The following FRMD8 variants were observed in gnomAD, a reference collection of about 807,000 sequenced individuals.
FRMD8 encodes FERM domain containing 8.
A neutral mutation model predicts 54.2 loss-of-function variants in FRMD8; 37 were observed. The ratio of observed to expected loss-of-function variants is 0.68; its 90% confidence interval spans 0.53 to 0.90. FRMD8 has a LOEUF of 0.90. FRMD8 is among the 40% of genes least tolerant of loss of function. FRMD8 has a pLI of 0.00. For synonymous variants in FRMD8, 246 were observed against 286.9 expected, an observed-to-expected ratio of 0.86 and a Z score of 1.44; for missense variants, 585 against 653.7, an observed-to-expected ratio of 0.89 and a Z score of 1.15.
intron 10 of FRMD8, among the ~76,000 whole-genome samples, chr11:65,407,626 C>A (rs1022383359): frequency 1.3e-5 from 2 of 151,686 alleles, no homozygotes; most frequent in Non-Finnish European, 2.9e-5. Flanking sequence ...CGTGGTGGCT[C>A]ACGCCTGTAA....
At position 65,405,648 on chromosome 11, in the gene FRMD8, G is replaced by C. The variant is rs576154024; in HGVS notation, c.1276+580G>C. Among the ~76,000 whole-genome samples, 20 of 152,004 alleles carry C rather than the reference G, an allele frequency of 1.3e-4. No homozygotes were observed. The South Asian group carries it at 4.2e-3, about 32-fold the overall frequency. Reference sequence around the variant, plus strand: ...AAAAATAAATAAATAAATAAATAAAGCGTTGGGTAAATCACTGCTGTGACC... The same window carrying C: ...AAAAATAAATAAATAAATAAATAAACCGTTGGGTAAATCACTGCTGTGACC... On this transcript the variant is annotated intron_variant, in intron 10 of 10. Transcript: ENST00000317568.
rs576038127 is a variant in FRMD8 at position 65,411,064 on chromosome 11, G to A, written c.1277-178G>A. ...CCTTAGGTCGGCAGTGTTAGGGAGC[G>A]CTGCTTGGGGTATACTGTAGCATGC... On this transcript the variant is annotated intron_variant, in intron 10 of 10. Transcript: ENST00000317568. 7.3e-4 allele frequency among the ~76,000 whole-genome samples: 111 copies of A among 152,326 alleles called. 2 individuals carry two copies. The highest frequency in any genetic ancestry group is 2.3e-3 in the African/African-American group (97 of 41,578).
intron 10 of FRMD8, among the ~76,000 whole-genome samples, chr11:65,406,082 C>G (rs183926878): frequency 6.6e-6 from 1 of 151,838 alleles, no homozygotes; most frequent in Non-Finnish European, 1.5e-5. Flanking sequence ...GGCTGGAGTA[C>G]AGTGGCATGA....
At chr11:65,372,786 T>C in the FRMD8 span, among the ~76,000 whole-genome samples, 13 of 152,132 alleles carry the variant, frequency 8.5e-5, no homozygotes, top group Non-Finnish European at 1.9e-4. Context: ...CTTCCTGCAC[T>C]GTTTATAGGA....
chr11:65,379,256 T>G, the FRMD8 span: 2 of 1,199,326 alleles, frequency 1.7e-6, no homozygotes, highest in Non-Finnish European at 2.4e-6. Flanking sequence ...ACAGGCCTCT[T>G]GTTCCCCTCC....
At chr11:65,409,535 G>T (rs1856283030) in intron 10 of FRMD8, among the ~76,000 whole-genome samples, 1 of 152,044 alleles carries the variant, frequency 6.6e-6, no homozygotes, top group Admixed American at 6.6e-5. Flanking sequence ...ACTTTGGGAG[G>T]CCGAGGCAGG....
intron 2 of FRMD8, 34 bp downstream of exon 2, chr11:65,387,155 T>C: frequency 6.5e-7 from 1 of 1,543,938 alleles, no homozygotes; most frequent in Non-Finnish European, 8.9e-7. Context: ...TTCCACACCC[T>C]CCTGGGACCC....
intron 1 of FRMD8, 81 bp from the exon 2 acceptor site, chr11:65,386,956 C>A: frequency 8.0e-7 from 1 of 1,244,744 alleles, no homozygotes; most frequent in Non-Finnish European, 1.1e-6. Context: ...GATCCCTTAC[C>A]GTACTCACCG....
At chr11:65,379,847 C>A in the FRMD8 span, 1 of 1,614,074 alleles carries the variant, frequency 6.2e-7, no homozygotes. Context: ...GGAAGGACCC[C>A]AAAGGAGTGG....
upstream of FRMD8, chr11:65,382,008 C>G: frequency 6.9e-7 from 1 of 1,440,666 alleles, no homozygotes; most frequent in Non-Finnish European, 9.8e-7. This position sits in a 1 kb window ranked among gnomAD's most constrained non-coding sequence, Gnocchi z 4.4. Context: ...TGAATTCCCC[C>G]CTCTCCCTCC....
chr11:65,401,364 C>T (rs1376282961), intron 9 of FRMD8, among the ~76,000 whole-genome samples: 1 of 118,712 alleles, frequency 8.4e-6, no homozygotes, highest in African/African-American at 3.2e-5. Context: ...CCCCTGCCTC[C>T]CTCCCCTGCT....
At chr11:65,393,768 G>A (rs1044847939) in intron 4 of FRMD8, 94 bp downstream of exon 4, 28 of 1,109,836 alleles carry the variant, frequency 2.5e-5, no homozygotes, top group Admixed American at 6.1e-5. Flanking sequence ...GCAAGGAGCT[G>A]CCCTGGCTGA....
the FRMD8 span, chr11:65,380,519 C>A: frequency 7.2e-7 from 1 of 1,386,708 alleles, no homozygotes; most frequent in Admixed American, 2.2e-5. Flanking sequence ...CTGGGAGAAT[C>A]ACCCAGGTTC....
At chr11:65,391,030 C>T (rs546686226) in intron 3 of FRMD8, among the ~76,000 whole-genome samples, 1 of 152,276 alleles carries the variant, frequency 6.6e-6, no homozygotes, top group African/African-American at 2.4e-5. Context: ...TTTCCCCCGG[C>T]CCCTGCACCC....
chr11:65,380,034 G>T, the FRMD8 span: 2 of 1,582,486 alleles, frequency 1.3e-6, no homozygotes, highest in Non-Finnish European at 1.7e-6. Context: ...CAGCAGGAGA[G>T]GCAGGAAAGG....
chr11:65,396,209 C>T (rs1386191258), intron 6 of FRMD8, among the ~76,000 whole-genome samples: 3 of 152,194 alleles, frequency 2.0e-5, no homozygotes, highest in Admixed American at 2.0e-4. Flanking sequence ...GGACCAGGCC[C>T]CATGGGGGCC....
chr11:65,387,099 C>A lies in FRMD8; in HGVS notation c.63C>A (p.Ser21Arg). The change falls in exon 2 of 11, where the codon AGC becomes AGA. Residue 21 changes from serine to arginine, a missense_variant. Ser to Arg is a moderately radical substitution (Grantham distance 110). Transcript: ENST00000317568. Reference sequence around the variant, plus strand: ...CCGCTGAGCGATCCCACCGAAGCAGCGTGTCCTCCGTGGGAGCCCGAGGTG... The same window carrying A: ...CCGCTGAGCGATCCCACCGAAGCAGAGTGTCCTCCGTGGGAGCCCGAGGTG... ...PGPAERSHRS[S>R]VSSVGARAAD... 1 of 1,607,006 alleles carries A rather than the reference C, an allele frequency of 6.2e-7. No homozygotes were observed. Among genetic ancestry groups the A allele is most frequent in the Non-Finnish European group, 8.5e-7 (1 of 1,179,968 alleles).
intron 7 of FRMD8, among the ~76,000 whole-genome samples, chr11:65,398,372 G>C (rs1053031308): frequency 6.6e-6 from 1 of 152,230 alleles, no homozygotes; most frequent in African/African-American, 2.4e-5. Flanking sequence ...TGGGCATCTG[G>C]TGTCTAGTGC....
Position 65,400,800 on chromosome 11 carries a change from G to C in FRMD8, c.1004G>C (p.Trp335Ser). Residue 335 changes from tryptophan to serine, a missense_variant, in exon 9 of 11, where the codon TGG becomes TCG. By Grantham distance (177) the Trp-to-Ser change is radical. Transcript: ENST00000317568. The surrounding 1 kb of genome is among the most constrained non-coding windows in gnomAD (Gnocchi z 4.3). ...CCCGAGGAGGAGGAGCCCATCTTGTGGCTGGAGTTCGACGGGGACAGCGAG... is the reference window on the plus strand; with the variant it reads ...CCCGAGGAGGAGGAGCCCATCTTGTCGCTGGAGTTCGACGGGGACAGCGAG... ...TSPEEEEPIL[W>S]LEFDGDSEGT... 6.2e-7 allele frequency: 1 copy of C among 1,612,992 alleles called. No individual in the cohort carries two copies. The highest frequency in any genetic ancestry group is 8.5e-7 in the Non-Finnish European group (1 of 1,179,738).
Sources: allele counts gnomAD v4.1 joint callset (sites outside exome capture counted in the v4.1 genomes callset), GRCh38; gene constraint gnomAD v4.1.1; non-coding constraint Gnocchi (gnomAD v3.1); transcripts MANE v1.5; gene names NCBI Gene and HGNC (gene_info 2026-07-23, HGNC 2026-07-21).